IL10RB: variants seen among roughly 807,000 people sequenced by gnomAD.
The protein encoded by IL10RB is interleukin 10 receptor subunit beta, also known as interleukin-10 receptor subunit beta.
A neutral mutation model predicts 38.7 loss-of-function variants in IL10RB; 30 were observed. The ratio of observed to expected loss-of-function variants is 0.78; its 90% CI spans 0.58 to 1.05. The LOEUF (loss-of-function observed/expected upper bound fraction) is 1.05, where lower values mean the gene tolerates loss of function less well. Ranked by LOEUF, IL10RB falls within the 50% of genes least tolerant of loss-of-function variation. The pLI is 0.00. For synonymous variants in IL10RB, 142 were observed against 145.9 expected (o/e 0.97, Z 0.19); for missense variants, 328 against 397.1 (o/e 0.83, Z 1.48).
At position 33,266,407 on chromosome 21, in the gene IL10RB, C is replaced by T. The variant is rs1347078591; in HGVS notation, c.-59C>T. 6.6e-7 allele frequency: 1 copy of T among 1,524,684 alleles called. No individual in the cohort carries two copies. The highest frequency in any genetic ancestry group is 8.8e-7 in the Non-Finnish European group (1 of 1,137,226). The allele number at this position is 1,524,684 out of a possible 1,614,324, so 94.4% of individuals were successfully genotyped here. On this transcript the variant is annotated 5_prime_UTR_variant, in exon 1 of 7. Transcript: ENST00000290200. ...CGGAAGCCGCCGCGGACAAGCTCTC[C>T]CGGGCGCGGGCGGGGGTCGTGTGCT...
chr21:33,277,424 A>G (rs1670133115), intron 3 of IL10RB, among the ~76,000 whole-genome samples: 2 of 152,272 alleles, frequency 1.3e-5, no homozygotes, highest in African/African-American at 4.8e-5. Context: ...CATATTTAGA[A>G]TATCAGGAAT....
At chr21:33,285,953 C>T (rs554392665) in intron 5 of IL10RB, among the ~76,000 whole-genome samples, 16 of 152,214 alleles carry the variant, frequency 1.1e-4, no homozygotes, top group South Asian at 2.1e-4. Flanking sequence ...GTGGGCCAGA[C>T]GGCACCGCTT....
intron 1 of IL10RB, among the ~76,000 whole-genome samples, chr21:33,305,447 A>G (rs2082996729): frequency 6.6e-6 from 1 of 152,110 alleles, no homozygotes; most frequent in South Asian, 2.1e-4. Flanking sequence ...TACACTGGTA[A>G]GCAAAGGTCA....
chr21:33,285,298 G>C (rs938271357), intron 5 of IL10RB, among the ~76,000 whole-genome samples: 1 of 152,144 alleles, frequency 6.6e-6, no homozygotes, highest in Non-Finnish European at 1.5e-5. Flanking sequence ...CAGAACACAG[G>C]CTCATTCATC....
intron 4 of IL10RB, among the ~76,000 whole-genome samples, chr21:33,280,966 A>T (rs1989270018): frequency 2.0e-5 from 3 of 152,242 alleles, no homozygotes; most frequent in Admixed American, 2.0e-4. Context: ...TAGGTAACTT[A>T]TAAACACTAG....
At chr21:33,300,365 C>A (rs918553138), downstream of IL10RB, among the ~76,000 whole-genome samples, 1 of 151,172 alleles carries the variant, frequency 6.6e-6, no homozygotes, top group African/African-American at 2.4e-5. Flanking sequence ...TGTTTGAACC[C>A]GGGAGGCGGA....
In IL10RB at chr21:33,266,398, C is replaced by G; in HGVS notation, c.-68C>G. The G allele has an allele frequency of 4.0e-6, 6 of 1,510,598 alleles. No individual in the cohort carries two copies. Among genetic ancestry groups the G allele is most frequent in the Non-Finnish European group, 5.3e-6 (6 of 1,126,254 alleles). The allele number at this position is 1,510,598 out of a possible 1,614,324, so 93.6% of individuals were successfully genotyped here. A position where few individuals can be genotyped will look rare whatever the true frequency, so the allele number is the denominator to read the frequency against. On this transcript the variant is annotated 5_prime_UTR_variant, in exon 1 of 7. Coordinates refer to ENST00000290200, the MANE Select transcript of IL10RB (RefSeq NM_000628.5). ...GCTGGTTCCCGGAAGCCGCCGCGGA[C>G]AAGCTCTCCCGGGCGCGGGCGGGGG...
intron 3 of IL10RB, among the ~76,000 whole-genome samples, chr21:33,278,051 A>G (rs1363661272): frequency 1.2e-5 from 1 of 85,740 alleles, no homozygotes; most frequent in Non-Finnish European, 2.8e-5. Flanking sequence ...AATACCAAAA[A>G]AAAAAAAAAA....
downstream of IL10RB, among the ~76,000 whole-genome samples, chr21:33,297,842 GA>G (rs1339292582): frequency 6.8e-6 from 1 of 147,290 alleles, no homozygotes. Context: ...AGAAAGGAAA[GA>G]AAAAAAAGAA....
intron 6 of IL10RB, among the ~76,000 whole-genome samples, chr21:33,294,975 G>T (rs952868099): frequency 6.6e-6 from 1 of 152,204 alleles, no homozygotes; most frequent in African/African-American, 2.4e-5. Context: ...ACTGAGAAGA[G>T]TTGGTGTCTA....
chr21:33,296,434 C>T lies in IL10RB; in HGVS notation c.*77C>T, dbSNP rs747203732. The T allele has an allele frequency of 2.1e-6, 3 of 1,456,202 alleles. No individual in the cohort carries two copies. Among genetic ancestry groups the T allele is most frequent in the Admixed American group, 3.6e-5 (2 of 56,172 alleles). The allele number at this position is 1,456,202 out of a possible 1,614,324, so 90.2% of individuals were successfully genotyped here. A position where few individuals can be genotyped will look rare whatever the true frequency, so the allele number is the denominator to read the frequency against. ...CATCTGCCTCAGTGAGGGATCAGGGCAGCAAACAAGGGCCAAGACCATCTG... is the reference window on the plus strand; with the variant it reads ...CATCTGCCTCAGTGAGGGATCAGGGTAGCAAACAAGGGCCAAGACCATCTG... On this transcript the variant is annotated 3_prime_UTR_variant, in exon 7 of 7. Transcript: ENST00000290200.
intron 3 of IL10RB, among the ~76,000 whole-genome samples, chr21:33,277,732 C>T (rs1203293432): frequency 1.2e-4 from 16 of 134,832 alleles, no homozygotes; most frequent in South Asian, 2.4e-4. Context: ...AGTGCAGTGG[C>T]GCGATCTCAG....
rs2082969415 is a variant in IL10RB, at chr21:33,296,868, A to T, written c.*511A>T. 1 of 264,148 alleles carries T rather than the reference A, an allele frequency of 3.8e-6. No individual in the cohort carries two copies. The highest frequency in any genetic ancestry group is 7.5e-6 in the Non-Finnish European group (1 of 133,946). The allele number at this position is 264,148 out of a possible 1,614,324, so 16.4% of individuals were successfully genotyped here. On this transcript the variant is annotated 3_prime_UTR_variant, in exon 7 of 7. Transcript: ENST00000290200. ...GTGCCTGAGGCAGGAGAATTGCATG[A>T]ACCCGGGAGGAGGAGGAGGAGGTTG...
At chr21:33,295,540 C>T (rs1371321747) in intron 6 of IL10RB, among the ~76,000 whole-genome samples, 13 of 145,626 alleles carry the variant, frequency 8.9e-5, no homozygotes, top group African/African-American at 3.3e-4. Flanking sequence ...GGCATGGTGG[C>T]GGGCACCTGT....
chr21:33,308,136 T>C (rs1310424069), intron 1 of IL10RB: 2 of 152,220 alleles, frequency 1.3e-5, no homozygotes, highest in African/African-American at 4.8e-5. Flanking sequence ...TATGTATACA[T>C]ATATACTGTG....
chr21:33,288,161 GC>G lies in IL10RB; in HGVS notation c.706del (p.Leu236TrpfsTer31). On this transcript the variant is annotated frameshift_variant, in exon 6 of 7. Coordinates refer to ENST00000290200, the MANE Select transcript of IL10RB (RefSeq NM_000628.5). LOFTEE classifies it high-confidence loss of function. ...CTCATGGCCTCGGTCTTCATGGTCT[GC>G]CTGGCACTCCTCGGCTGCTTCGCCT... The part of the protein sequence containing the change: ...VILMASVFMV[C>X]LALLGCFALL... 8 of 1,614,116 alleles carry G rather than the reference GC, an allele frequency of 5.0e-6. No homozygotes were observed. Among genetic ancestry groups the G allele is most frequent in the Non-Finnish European group, 5.9e-6 (7 of 1,180,010 alleles).
At chr21:33,301,774 C>T (rs1186043070), downstream of IL10RB, among the ~76,000 whole-genome samples, 1 of 152,324 alleles carries the variant, frequency 6.6e-6, no homozygotes, top group African/African-American at 2.4e-5. Context: ...CCTCATTTTT[C>T]AGATAAAGAA....
chr21:33,271,682 T>C (rs1488193647), intron 2 of IL10RB, among the ~76,000 whole-genome samples: 4 of 151,212 alleles, frequency 2.6e-5, no homozygotes, highest in Admixed American at 2.6e-4. Context: ...AAGCTGAGAT[T>C]GCACCATTGC....
rs745374825 is a variant in IL10RB at position 33,279,921 on chromosome 21, A to G, written c.498+3A>G. The G allele has an allele frequency of 1.9e-6, 3 of 1,612,710 alleles. No homozygotes were observed. The highest frequency in any genetic ancestry group is 3.3e-5 in the Admixed American group (2 of 60,000). On this transcript the variant is annotated splice_donor_region_variant and intron_variant, in intron 4 of 6. Transcript: ENST00000290200. ...GGAAAAACGGTACTGATGAAAAGGT[A>G]AGGTTGGCTAATTGCATTTCAGAGG... is the stretch of plus-strand genomic sequence containing the variant.
Sources: allele counts gnomAD v4.1 joint callset (sites outside exome capture counted in the v4.1 genomes callset), GRCh38; gene constraint gnomAD v4.1.1; transcripts MANE v1.5; gene names NCBI Gene and HGNC (gene_info 2026-07-23, HGNC 2026-07-21).